BCL2L14: variants seen among roughly 807,000 people sequenced by gnomAD.
The protein encoded by BCL2L14 is apoptosis facilitator Bcl-2-like protein 14.
Under a neutral mutation model 35.3 loss-of-function variants are expected in BCL2L14, and 27 were observed. That is an observed-to-expected ratio of 0.76 (90% confidence interval 0.56 to 1.05). BCL2L14 has a LOEUF of 1.05. BCL2L14 is among the 50% of genes least tolerant of loss of function. The pLI is 0.00. For missense variants in BCL2L14, 377 were observed against 382.6 expected (o/e 0.99, Z 0.12); for synonymous variants, 139 against 145.9 (o/e 0.95, Z 0.34).
intron 4 of BCL2L14, 29 bp downstream of exon 4, chr12:12,090,878 GA>G (rs1949173989): frequency 6.4e-7 from 1 of 1,565,566 alleles, no homozygotes; most frequent in Non-Finnish European, 8.7e-7. Flanking sequence ...TGATGCGATT[GA>G]TTTCTGTGCC....
rs1207034430 is a variant in BCL2L14, at chr12:12,079,310, G to A, written c.5G>A (p.Cys2Tyr). 1.2e-6 allele frequency: 2 copies of A among 1,613,204 alleles called. No individual in the cohort carries two copies. The highest frequency in any genetic ancestry group is 1.1e-5 in the South Asian group (1 of 90,832). Residue 2 changes from cysteine (C) to tyrosine (Y), a missense_variant, in exon 2 of 6, where the codon TGT (cysteine) becomes TAT (tyrosine). By Grantham distance (194) the Cys-to-Tyr change is radical. Transcript: ENST00000308721. ...CTTTGTTGTTACAGGCCCAACATGTGTAGCACCAGTGGGTGTGACCTGGAA... is the reference window on the plus strand; with the variant it reads ...CTTTGTTGTTACAGGCCCAACATGTATAGCACCAGTGGGTGTGACCTGGAA... M[C>Y]STSGCDLEEI...
upstream of BCL2L14, chr12:12,068,146 T>C (rs1018791982): frequency 1.5e-5 from 6 of 398,502 alleles, no homozygotes; most frequent in African/African-American, 1.0e-4. Context: ...GTTATCACCA[T>C]GTTGCCCAGG....
rs779436241 is a variant in BCL2L14, at chr12:12,079,566, C to A, written c.261C>A (p.Gly87=). 4 of 1,614,184 alleles carry A rather than the reference C, an allele frequency of 2.5e-6. No individual in the cohort carries two copies. The highest frequency in any genetic ancestry group is 2.5e-6 in the Non-Finnish European group (3 of 1,180,046). The change falls in exon 2 of 6, where the codon GGC becomes GGA. Residue 87 remains glycine, a synonymous_variant. Transcript: ENST00000308721. ...SQSSEKAINL[G]KKKSSWKAFF... ...CCAGTGAGAAGGCCATAAACCTTGG[C>A]AAGAAAAAGTCTTCTTGGAAAGCAT...
chr12:12,060,574 C>A (rs1291569428), intron 2 of BCL2L14, among the ~76,000 whole-genome samples: 2 of 70,968 alleles, frequency 2.8e-5, no homozygotes, highest in Non-Finnish European at 5.8e-5. Flanking sequence ...GAGACAAACC[C>A]CAGCCACATC....
intron 1 of BCL2L14, among the ~76,000 whole-genome samples, chr12:12,076,137 GT>G (rs1948775832): frequency 7.2e-6 from 1 of 138,864 alleles, no homozygotes; most frequent in African/African-American, 2.8e-5. Flanking sequence ...ATGGGGGAGG[GT>G]GGGATGCCCG....
At chr12:12,057,427 C>A (rs762330007) in intron 2 of BCL2L14, among the ~76,000 whole-genome samples, 23 of 152,146 alleles carry the variant, frequency 1.5e-4, no homozygotes, top group South Asian at 2.1e-4. Context: ...TTTTTCCCTA[C>A]GCCAAAGTCA....
intron 5 of BCL2L14, 82 bp from the exon 6 acceptor site, chr12:12,098,868 T>C: frequency 9.9e-7 from 1 of 1,009,420 alleles, no homozygotes; most frequent in Non-Finnish European, 1.6e-6. Flanking sequence ...ACGCCTGGGA[T>C]AGAGCAGAGT....
chr12:12,077,008 C>T (rs1948794291), intron 1 of BCL2L14, among the ~76,000 whole-genome samples: 1 of 152,184 alleles, frequency 6.6e-6, no homozygotes, highest in African/African-American at 2.4e-5. Flanking sequence ...CCTTCAGACA[C>T]CCAGGCCAAC....
intron 3 of BCL2L14, among the ~76,000 whole-genome samples, chr12:12,089,952 T>G (rs561137845): frequency 6.6e-6 from 1 of 152,302 alleles, no homozygotes; most frequent in Non-Finnish European, 1.5e-5. Flanking sequence ...ATTTCCAAAA[T>G]GTAGGCCAGC....
intron 2 of BCL2L14, among the ~76,000 whole-genome samples, chr12:12,084,285 G>C (rs530513006): frequency 2.0e-5 from 3 of 152,266 alleles, no homozygotes; most frequent in Non-Finnish European, 4.4e-5. Context: ...GAGCTTTCTT[G>C]AAACTGCCCC....
chr12:12,083,806 G>A (rs142869400), intron 2 of BCL2L14, among the ~76,000 whole-genome samples: 1 of 152,262 alleles, frequency 6.6e-6, no homozygotes, highest in African/African-American at 2.4e-5. Context: ...AAATTAGCCA[G>A]GCGCCATGGT....
At position 12,079,929 on chromosome 12, in the gene BCL2L14, G is replaced by A. The variant is rs150649242; in HGVS notation, c.433+191G>A. Among the ~76,000 whole-genome samples, 520 of 152,364 alleles carry A rather than the reference G, an allele frequency of 3.4e-3. 1 individual carries two copies. The highest frequency in any genetic ancestry group is 4.3e-3 in the Non-Finnish European group (292 of 68,042). On this transcript the variant is annotated intron_variant, in intron 2 of 5. Coordinates refer to ENST00000308721, the MANE Select transcript of BCL2L14 (RefSeq NM_138723.2). The stretch of plus-strand genomic sequence containing the variant: ...AAGACTAAAAGGAGTTGCTGCCTGG[G>A]CGCGGTGGCTCACGCCTGTAATCCC...
At chr12:12,078,214 G>C (rs549572384) in intron 1 of BCL2L14, 322 of 174,628 alleles carry the variant, frequency 1.8e-3, no homozygotes, top group African/African-American at 7.3e-3. Flanking sequence ...GCTTTTTTCA[G>C]ATGAAATCTT....
chr12:12,086,422 C>G (rs1020600204), intron 2 of BCL2L14, among the ~76,000 whole-genome samples: 2 of 152,246 alleles, frequency 1.3e-5, no homozygotes, highest in Admixed American at 1.3e-4. Flanking sequence ...ACCCCACCTC[C>G]CCTCTTCCCC....
intron 5 of BCL2L14, 135 bp downstream of exon 5, chr12:12,095,065 G>A (rs1591839316): frequency 6.9e-7 from 1 of 1,449,658 alleles, no homozygotes; most frequent in Non-Finnish European, 9.0e-7. Flanking sequence ...AGTGGCCAGA[G>A]ATAGATCCCA....
intron 2 of BCL2L14, among the ~76,000 whole-genome samples, chr12:12,064,831 A>G (rs1005298784): frequency 2.6e-5 from 4 of 152,206 alleles, no homozygotes; most frequent in Non-Finnish European, 5.9e-5. Context: ...CATGGAAGTC[A>G]TGGTAGTCAG....
chr12:12,069,381 CTCA>C (rs1948630676), upstream of BCL2L14, among the ~76,000 whole-genome samples: 2 of 151,996 alleles, frequency 1.3e-5, no homozygotes, highest in South Asian at 4.1e-4. Flanking sequence ...GTGAATATAT[CTCA>C]TCGTCTCCCC....
At chr12:12,089,714 C>A (rs1949135437) in intron 3 of BCL2L14, among the ~76,000 whole-genome samples, 5 of 152,198 alleles carry the variant, frequency 3.3e-5, no homozygotes, top group African/African-American at 1.2e-4. Context: ...GCACCCTGTC[C>A]CCCCAACACA....
intron 1 of BCL2L14, among the ~76,000 whole-genome samples, chr12:12,050,618 G>A (rs1948338282): frequency 6.6e-6 from 1 of 151,328 alleles, no homozygotes; most frequent in Non-Finnish European, 1.5e-5. Flanking sequence ...AAGGAACAGT[G>A]CGACCCGTAA....
Sources: gnomAD v4.1 joint callset for allele counts (sites outside exome capture counted in the v4.1 genomes callset) on GRCh38, gnomAD v4.1.1 for gene constraint, MANE v1.5 for transcripts, NCBI Gene and HGNC (gene_info 2026-07-23, HGNC 2026-07-21) for gene names.